IGF1R: variants seen among roughly 807,000 people sequenced by gnomAD.
IGF1R encodes the protein insulin like growth factor 1 receptor.
In IGF1R, 44 loss-of-function variants were observed where a neutral mutation model predicts 144.6. That is an observed-to-expected ratio of 0.30 (90% CI 0.24 to 0.39). IGF1R has a LOEUF of 0.39. Among genes scored for constraint, IGF1R ranks in the 10% least tolerant of loss-of-function variants. The pLI, the probability that IGF1R is intolerant of heterozygous loss-of-function variation, is 1.00. For synonymous variants in IGF1R, 795 were observed against 722.8 expected (o/e 1.10, Z -1.60); for missense variants, 1,355 against 1,833.7 (o/e 0.74, Z 4.77).
intron 2 of IGF1R, among the ~76,000 whole-genome samples, chr15:98,879,516 C>T (rs1190218347): frequency 1.3e-5 from 2 of 152,274 alleles, no homozygotes; most frequent in African/African-American, 4.8e-5. Context: ...GGGAGGCACA[C>T]GGGGGTGAAC....
intron 15 of IGF1R, among the ~76,000 whole-genome samples, chr15:98,932,525 C>T (rs1013807929): frequency 1.3e-5 from 2 of 152,196 alleles, no homozygotes; most frequent in Non-Finnish European, 2.9e-5. Context: ...GTATTGACTT[C>T]AGGGACCTCC....
chr15:98,675,282 C>A (rs1278936845), intron 1 of IGF1R, among the ~76,000 whole-genome samples: 1 of 152,066 alleles, frequency 6.6e-6, no homozygotes, highest in African/African-American at 2.4e-5. Flanking sequence ...AGCCACTGTG[C>A]CTGGCCCATT....
At chr15:98,795,403 T>TTTTTGTTTTG (rs56344805) in intron 2 of IGF1R, among the ~76,000 whole-genome samples, 3,210 of 151,474 alleles carry the variant, frequency 0.021, 94 homozygotes, top group African/African-American at 0.063. Context: ...TCTTTCTTGT[T>TTTTTGTTTTG]TTTTGTTTTG....
At chr15:98,956,258 C>G (rs758486356) in intron 20 of IGF1R, among the ~76,000 whole-genome samples, 4 of 152,236 alleles carry the variant, frequency 2.6e-5, no homozygotes, top group African/African-American at 9.6e-5. Context: ...GGAGCCCAGC[C>G]GATGCGACCG....
intron 15 of IGF1R, among the ~76,000 whole-genome samples, chr15:98,933,649 G>A (rs1387144500): frequency 2.0e-5 from 3 of 152,170 alleles, no homozygotes; most frequent in African/African-American, 7.2e-5. Context: ...AAACCAGATC[G>A]AATCTAAACA....
chr15:98,752,173 A>G (rs74838235), intron 2 of IGF1R, among the ~76,000 whole-genome samples: 4,988 of 152,024 alleles, frequency 0.033, 94 homozygotes, highest in East Asian at 0.052. Context: ...CTGCCTCTAT[A>G]TTAGCCAATG....
intron 2 of IGF1R, among the ~76,000 whole-genome samples, chr15:98,730,117 TA>T (rs779271180): frequency 6.6e-6 from 1 of 152,194 alleles, no homozygotes; most frequent in Non-Finnish European, 1.5e-5. Context: ...AAAGAATGTT[TA>T]AAAATGAGGC....
chr15:98,707,254 G>A lies in IGF1R; in HGVS notation c.95-308G>A, dbSNP rs1273320913. The stretch of plus-strand genomic sequence containing the variant: ...GGCCTGGGTTGCAGATTTAACTTTC[G>A]CCTCTGCCTCTGTGTGCCTCTGGGC... On this transcript the variant is annotated intron_variant, in intron 1 of 20. Coordinates refer to ENST00000650285, the MANE Select transcript of IGF1R (RefSeq NM_000875.5). The surrounding 1 kb of genome is among the most constrained non-coding windows in gnomAD (Gnocchi z 6.7). Among the ~76,000 whole-genome samples the A allele has an allele frequency of 1.3e-5, 2 of 152,254 alleles. No homozygotes were observed. The highest frequency in any genetic ancestry group is 2.9e-5 in the Non-Finnish European group (2 of 68,018).
chr15:98,895,788 A>G (rs1024161779), intron 3 of IGF1R, among the ~76,000 whole-genome samples: 4 of 152,258 alleles, frequency 2.6e-5, no homozygotes. Context: ...TTTTTACTTC[A>G]CGAAATTTGA....
At chr15:98,718,783 G>T (rs1253318268) in intron 2 of IGF1R, among the ~76,000 whole-genome samples, 2 of 152,212 alleles carry the variant, frequency 1.3e-5, no homozygotes, top group African/African-American at 2.4e-5. Flanking sequence ...GTACAAAAAA[G>T]GAAAGACGAA....
At chr15:98,746,871 G>A (rs2054880385) in intron 2 of IGF1R, among the ~76,000 whole-genome samples, 1 of 152,166 alleles carries the variant, frequency 6.6e-6, no homozygotes, top group Non-Finnish European at 1.5e-5. Context: ...CACTTGAATG[G>A]TGTCAGTAAT....
intron 1 of IGF1R, among the ~76,000 whole-genome samples, chr15:98,692,423 G>T (rs1340134811): frequency 1.3e-5 from 2 of 152,160 alleles, no homozygotes; most frequent in Non-Finnish European, 2.9e-5. Flanking sequence ...GTTTACTGTA[G>T]CCTTGAACTC....
intron 1 of IGF1R, among the ~76,000 whole-genome samples, chr15:98,703,315 G>T (rs2053781592): frequency 6.6e-6 from 1 of 152,166 alleles, no homozygotes; most frequent in African/African-American, 2.4e-5. Flanking sequence ...TCTCCCTCTT[G>T]TGCTGTGTTT....
rs554595857 is a variant in IGF1R, at chr15:98,963,181, T to TC, written c.*5740dup. 1.8e-3 allele frequency: 414 copies of TC among 232,434 alleles called. 2 individuals carry two copies. Among genetic ancestry groups the TC allele is most frequent in the African/African-American group, 8.6e-3 (385 of 44,614 alleles). The allele number at this position is 232,434 out of a possible 1,614,324, so 14.4% of individuals were successfully genotyped here. ...AAATAATTTAAAGACACTTTTTTTT[T>TC]CTCTGTGTGTGCAAATGTGTGTTTG... On this transcript the variant is annotated 3_prime_UTR_variant, in exon 21 of 21. Coordinates refer to ENST00000650285, the MANE Select transcript of IGF1R (RefSeq NM_000875.5).
chr15:98,920,382 T>C (rs2015433291), intron 10 of IGF1R, among the ~76,000 whole-genome samples: 2 of 152,218 alleles, frequency 1.3e-5, no homozygotes, highest in Admixed American at 6.5e-5. Flanking sequence ...ACAAGTAAAC[T>C]ACTGAGTATA....
intron 1 of IGF1R, among the ~76,000 whole-genome samples, chr15:98,671,992 A>C (rs1184346991): frequency 6.6e-6 from 1 of 152,220 alleles, no homozygotes; most frequent in African/African-American, 2.4e-5. Context: ...GCTCAAATTT[A>C]AGTTCTTCCT....
At chr15:98,664,167 TG>T (rs2052668911) in intron 1 of IGF1R, among the ~76,000 whole-genome samples, 1 of 152,226 alleles carries the variant, frequency 6.6e-6, no homozygotes, top group African/African-American at 2.4e-5. Flanking sequence ...CACGTTCACC[TG>T]TTGGAGCAAG....
At chr15:98,956,983 A>G in intron 20 of IGF1R, 78 bp from the exon 21 acceptor site, 1 of 1,505,878 alleles carries the variant, frequency 6.6e-7, no homozygotes, top group Non-Finnish European at 9.2e-7. Flanking sequence ...GCGGGAAACC[A>G]CTGCAGGCGG....
In IGF1R at chr15:98,649,099, G is replaced by A. The variant is rs897377828; in HGVS notation, c.-483G>A. 33 of 218,080 alleles carry A rather than the reference G, an allele frequency of 1.5e-4. No homozygotes were observed. The East Asian group carries it at 1.6e-3, about 11-fold the overall frequency. 13.5% of individuals were successfully genotyped at this position (218,080 alleles called of 1,614,324 possible). ...CGCGTTTCTGCCCCTCGCCGGCCTC[G>A]CCTGTGACCCGGACTTCGGGGCGAT... is the stretch of plus-strand genomic sequence containing the variant. On this transcript the variant is annotated 5_prime_UTR_variant, in exon 1 of 21. Transcript: ENST00000650285.
Sources: allele counts gnomAD v4.1 joint callset (sites outside exome capture counted in the v4.1 genomes callset), GRCh38; gene constraint gnomAD v4.1.1; non-coding constraint Gnocchi (gnomAD v3.1); transcripts MANE v1.5; gene names NCBI Gene and HGNC (gene_info 2026-07-23, HGNC 2026-07-21).